FER: variants seen among roughly 807,000 people sequenced by gnomAD.
FER encodes the protein tyrosine-protein kinase Fer.
In FER, 63 loss-of-function variants were observed where a neutral mutation model predicts 111.0. The observed-to-expected ratio is 0.57, with a 90% confidence interval of 0.46 to 0.70. FER has a LOEUF of 0.70. FER is among the 30% of genes least tolerant of loss of function. FER has a pLI of 0.00. For missense variants in FER, 914 were observed against 954.0 expected (o/e 0.96, Z 0.55); for synonymous variants, 327 against 313.9 (o/e 1.04, Z -0.44).
intron 14 of FER, among the ~76,000 whole-genome samples, chr5:109,040,033 A>C (rs1435638648): frequency 6.6e-6 from 1 of 152,122 alleles, no homozygotes; most frequent in African/African-American, 2.4e-5. Flanking sequence ...AACCAATTGA[A>C]TATCCTGATG....
chr5:108,924,360 C>CAAAAA lies in FER; in HGVS notation c.1237-21752_1237-21748dup, dbSNP rs59469649. ...GGGCGACAAGAGCGAAACTCTGTCTCAAAAAAAAAAAAAAAAAAAAAATCA... is the reference window on the plus strand; with the variant it reads ...GGGCGACAAGAGCGAAACTCTGTCTCAAAAAAAAAAAAAAAAAAAAAAAAAAATCA... On this transcript the variant is annotated intron_variant, in intron 10 of 19. Coordinates refer to ENST00000281092, the MANE Select transcript of FER (RefSeq NM_005246.4). Among the ~76,000 whole-genome samples, 439 of 99,034 alleles carry CAAAAA rather than the reference C, an allele frequency of 4.4e-3. 2 individuals carry two copies. The highest frequency in any genetic ancestry group is 0.016 in the African/African-American group (417 of 26,872). 65.0% of individuals were successfully genotyped at this position (99,034 alleles called of 152,430 possible).
At chr5:109,014,094 C>A (rs1191983126) in intron 13 of FER, among the ~76,000 whole-genome samples, 1 of 150,528 alleles carries the variant, frequency 6.6e-6, no homozygotes, top group Non-Finnish European at 1.5e-5. Context: ...TAATTAGATC[C>A]CATTTGTCAA....
chr5:108,886,587 G>A (rs180895887), intron 9 of FER, among the ~76,000 whole-genome samples: 210 of 151,584 alleles, frequency 1.4e-3, no homozygotes, highest in Non-Finnish European at 2.7e-3. Context: ...CACATACATA[G>A]TAAATGGTAG....
chr5:108,787,823 G>A (rs982410050), intron 2 of FER, among the ~76,000 whole-genome samples: 10 of 152,202 alleles, frequency 6.6e-5, no homozygotes, highest in Non-Finnish European at 1.5e-4. Context: ...CCTGCCTGCA[G>A]AAAGGACCTA....
intron 5 of FER, among the ~76,000 whole-genome samples, chr5:108,839,879 C>T (rs1761086714): frequency 6.6e-6 from 1 of 152,068 alleles, no homozygotes; most frequent in Admixed American, 6.5e-5. Context: ...GTCCGGCCAT[C>T]CCATGCCATT....
chr5:108,890,183 A>G (rs1421667932), intron 9 of FER, among the ~76,000 whole-genome samples: 6 of 152,042 alleles, frequency 3.9e-5, no homozygotes, highest in Non-Finnish European at 5.9e-5. Context: ...GTCATGTTGT[A>G]TGTAACCTTT....
intron 17 of FER, among the ~76,000 whole-genome samples, chr5:109,168,568 C>T (rs1339848335): frequency 1.3e-5 from 2 of 152,050 alleles, no homozygotes; most frequent in Non-Finnish European, 2.9e-5. Flanking sequence ...GGGTGGTGCA[C>T]CCAGAGAGGG....
At chr5:109,028,462 A>C (rs149133578) in intron 13 of FER, among the ~76,000 whole-genome samples, 42 of 152,342 alleles carry the variant, frequency 2.8e-4, no homozygotes, top group African/African-American at 9.9e-4. Flanking sequence ...AAAGAGTCAT[A>C]TGCATTGCTT....
intron 5 of FER, among the ~76,000 whole-genome samples, chr5:108,853,840 C>A (rs530964309): frequency 1.3e-5 from 2 of 152,060 alleles, no homozygotes; most frequent in South Asian, 2.1e-4. Flanking sequence ...AGAGGAGTGA[C>A]GTGAATGAAC....
intron 16 of FER, among the ~76,000 whole-genome samples, chr5:109,064,733 A>T (rs1293373356): frequency 6.6e-6 from 1 of 151,950 alleles, no homozygotes; most frequent in Non-Finnish European, 1.5e-5. Flanking sequence ...GTTCTGAACC[A>T]CTCTTGCTCT....
At chr5:108,874,925 T>TA (rs1215962715) in intron 8 of FER, among the ~76,000 whole-genome samples, 3 of 152,296 alleles carry the variant, frequency 2.0e-5, no homozygotes, top group African/African-American at 7.2e-5. Flanking sequence ...AGCCCTCTTA[T>TA]AAAATGTTGC....
intron 10 of FER, among the ~76,000 whole-genome samples, chr5:108,929,032 A>C (rs1331234800): frequency 1.3e-5 from 2 of 152,148 alleles, no homozygotes; most frequent in East Asian, 1.9e-4. Context: ...AGAACATTGA[A>C]TATATGATAA....
intron 3 of FER, among the ~76,000 whole-genome samples, chr5:108,813,377 G>C (rs2082327850): frequency 6.6e-6 from 1 of 151,838 alleles, no homozygotes; most frequent in Non-Finnish European, 1.5e-5. Flanking sequence ...TGCATTTTTT[G>C]TGCTAGGGTC....
At chr5:108,800,590 C>G (rs908385764) in intron 3 of FER, among the ~76,000 whole-genome samples, 1 of 152,158 alleles carries the variant, frequency 6.6e-6, no homozygotes, top group Non-Finnish European at 1.5e-5. Flanking sequence ...TGGGCTCAAG[C>G]AATCCTCCCA....
chr5:108,781,636 A>G (rs933351276), intron 2 of FER, among the ~76,000 whole-genome samples: 28 of 152,122 alleles, frequency 1.8e-4, no homozygotes, highest in African/African-American at 3.9e-4. Context: ...CTACAGTCCA[A>G]TGATTATATC....
Position 109,193,026 on chromosome 5 carries a change from A to G in FER, c.*5451A>G, listed in dbSNP as rs1562019934. 1 of 152,192 alleles carries G rather than the reference A, an allele frequency of 6.6e-6. No homozygotes were observed. The highest frequency in any genetic ancestry group is 2.4e-5 in the African/African-American group (1 of 41,446). 9.4% of individuals were successfully genotyped at this position (152,192 alleles called of 1,614,324 possible). ...TGACCCATAGCCAACAATAAATGCA[A>G]TAACAATAAAGGAAACTAACCCTCA... On this transcript the variant is annotated 3_prime_UTR_variant, in exon 20 of 20. Coordinates refer to ENST00000281092, the MANE Select transcript of FER (RefSeq NM_005246.4).
chr5:109,054,738 C>A (rs891892079), intron 16 of FER, among the ~76,000 whole-genome samples: 1 of 152,000 alleles, frequency 6.6e-6, no homozygotes, highest in African/African-American at 2.4e-5. Context: ...GAGTGTAGGA[C>A]CCATTTCAAG....
In FER at chr5:109,187,766, C is replaced by A; in HGVS notation, c.*191C>A. On this transcript the variant is annotated 3_prime_UTR_variant, in exon 20 of 20. Coordinates refer to ENST00000281092, the MANE Select transcript of FER (RefSeq NM_005246.4). ...AAGGCAAATTTGTTAAAGAAATAGG[C>A]AGTCCTACCAAGGGCTTTCTTAGCT... is the stretch of plus-strand genomic sequence containing the variant. The A allele has an allele frequency of 1.5e-6, 1 of 647,936 alleles. No homozygotes were observed. The highest frequency in any genetic ancestry group is 2.6e-6 in the Non-Finnish European group (1 of 388,882). 40.1% of individuals were successfully genotyped at this position (647,936 alleles called of 1,614,324 possible).
intron 1 of FER, among the ~76,000 whole-genome samples, chr5:108,755,034 G>A (rs1412480710): frequency 6.6e-6 from 1 of 152,132 alleles, no homozygotes; most frequent in Non-Finnish European, 1.5e-5. Context: ...TCCATAAAAT[G>A]CAGTCAAATT....
Sources: gnomAD v4.1 joint callset for allele counts (sites outside exome capture counted in the v4.1 genomes callset) on GRCh38, gnomAD v4.1.1 for gene constraint, MANE v1.5 for transcripts, NCBI Gene and HGNC (gene_info 2026-07-23, HGNC 2026-07-21) for gene names.